Variants in PLCH1 observed in about 807,000 individuals in gnomAD.
The protein encoded by PLCH1 is phospholipase C eta 1.
A neutral mutation model predicts 126.7 loss-of-function variants in PLCH1; 60 were observed. The ratio of observed to expected loss-of-function variants is 0.47; its 90% CI spans 0.38 to 0.59. PLCH1 has a LOEUF of 0.59. Ranked by LOEUF, PLCH1 falls within the 20% of genes least tolerant of loss-of-function variation. PLCH1 has a pLI of 0.00. For missense variants in PLCH1, 1,723 were observed against 2,040.0 expected (o/e 0.84, Z 2.99); for synonymous variants, 719 against 734.9 (o/e 0.98, Z 0.35).
chr3:155,733,736 A>C (rs1748939238), intron 1 of PLCH1, among the ~76,000 whole-genome samples: 1 of 151,932 alleles, frequency 6.6e-6, no homozygotes, highest in Non-Finnish European at 1.5e-5. Flanking sequence ...AAACTAAAAA[A>C]GAGAATGAAT....
At chr3:155,744,458 C>T (rs1232928050) in intron 1 of PLCH1, among the ~76,000 whole-genome samples, 2 of 152,208 alleles carry the variant, frequency 1.3e-5, no homozygotes, top group Non-Finnish European at 2.9e-5. Flanking sequence ...CTGGCGGCGT[C>T]TGGCGGTCAG....
At position 155,586,337 on chromosome 3, in the gene PLCH1, G is replaced by A. The variant is rs1731369562; in HGVS notation, c.471-143C>T. ...GGAGCCCCTGCAATCCATAGGCTCT[G>A]ATGAGCTACTAATAATGATGACAAT... On this transcript the variant is annotated intron_variant, in intron 4 of 22. Coordinates refer to ENST00000460012, the MANE Select transcript of PLCH1 (RefSeq NM_014996.4). The A allele has an allele frequency of 5.7e-6, 4 of 705,058 alleles. No individual in the cohort carries two copies. In the South Asian group the frequency reaches 7.6e-5, roughly 13 times the overall value. 43.7% of individuals were successfully genotyped at this position (705,058 alleles called of 1,614,324 possible).
intron 2 of PLCH1, among the ~76,000 whole-genome samples, chr3:155,673,496 A>C (rs1241850873): frequency 6.6e-6 from 1 of 152,148 alleles, no homozygotes; most frequent in Non-Finnish European, 1.5e-5. Context: ...AGCCTGTACA[A>C]AGGATTCAAA....
At chr3:155,495,528 A>G (rs928226617) in intron 15 of PLCH1, among the ~76,000 whole-genome samples, 1 of 152,160 alleles carries the variant, frequency 6.6e-6, no homozygotes, top group African/African-American at 2.4e-5. Flanking sequence ...TTCAGCCCTA[A>G]TAAGCTGAGT....
Position 155,537,186 on chromosome 3 carries a change from C to CA in PLCH1, c.1362+12600dup, listed in dbSNP as rs755520092. Reference sequence around the variant, plus strand: ...ATTCGCCACTACCAAGCTAGCACTACAAAAAAAAAAAAAACCAAAAAAAAA... The same window carrying CA: ...ATTCGCCACTACCAAGCTAGCACTACAAAAAAAAAAAAAAACCAAAAAAAAA... On this transcript the variant is annotated intron_variant, in intron 10 of 22. Coordinates refer to ENST00000460012, the MANE Select transcript of PLCH1 (RefSeq NM_014996.4). 3.6e-3 allele frequency among the ~76,000 whole-genome samples: 135 copies of CA among 37,134 alleles called. 2 individuals carry two copies. The highest frequency in any genetic ancestry group is 0.016 in the East Asian group (11 of 678). The allele number at this position is 37,134 out of a possible 152,430, so 24.4% of individuals were successfully genotyped here.
chr3:155,596,573 T>C (rs865826327), intron 2 of PLCH1, among the ~76,000 whole-genome samples, 195 bp from the exon 3 acceptor site: 15 of 97,626 alleles, frequency 1.5e-4, no homozygotes, highest in Middle Eastern at 5.6e-3. Flanking sequence ...AAAGCCTTAC[T>C]AACAGAAAAA....
chr3:155,646,042 A>G (rs1009709826), intron 2 of PLCH1, among the ~76,000 whole-genome samples: 1 of 151,898 alleles, frequency 6.6e-6, no homozygotes, highest in Non-Finnish European at 1.5e-5. Context: ...GGTTTGAGAG[A>G]CTGATAAAGG....
intron 17 of PLCH1, among the ~76,000 whole-genome samples, chr3:155,493,644 A>T (rs1456995482): frequency 2.6e-5 from 4 of 152,118 alleles, no homozygotes; most frequent in Non-Finnish European, 5.9e-5. Context: ...CCTTGACCTC[A>T]CAAAGTGCTG....
intron 14 of PLCH1, among the ~76,000 whole-genome samples, chr3:155,498,193 C>A (rs1717356760): frequency 6.6e-6 from 1 of 152,156 alleles, no homozygotes; most frequent in African/African-American, 2.4e-5. Context: ...TGCTTATGTT[C>A]AAGTAACTCT....
At chr3:155,467,394 T>C (rs1409577116) in intron 21 of PLCH1, among the ~76,000 whole-genome samples, 1 of 151,912 alleles carries the variant, frequency 6.6e-6, no homozygotes, top group African/African-American at 2.4e-5. Context: ...GCCAACATGG[T>C]GAAACCCCAT....
chr3:155,470,265 A>G (rs1231135721), intron 21 of PLCH1, among the ~76,000 whole-genome samples: 1 of 152,214 alleles, frequency 6.6e-6, no homozygotes, highest in Non-Finnish European at 1.5e-5. Flanking sequence ...AGGCTCGAGA[A>G]CTACGTGAAG....
chr3:155,703,345 C>G (rs1010897135), intron 2 of PLCH1, among the ~76,000 whole-genome samples: 3 of 152,154 alleles, frequency 2.0e-5, no homozygotes, highest in Non-Finnish European at 2.9e-5. Context: ...TCTCTCTGTT[C>G]CCTCTACAAT....
intron 21 of PLCH1, among the ~76,000 whole-genome samples, chr3:155,473,271 C>A (rs1273820136): frequency 6.6e-6 from 1 of 151,596 alleles, no homozygotes; most frequent in Non-Finnish European, 1.5e-5. Flanking sequence ...CACAAGCATT[C>A]TTATACACCA....
downstream of PLCH1, among the ~76,000 whole-genome samples, chr3:155,477,366 A>C (rs541240084): frequency 3.3e-5 from 5 of 152,248 alleles, no homozygotes; most frequent in East Asian, 9.7e-4. Context: ...ACCCACAAGC[A>C]CGGGCAACCA....
intron 21 of PLCH1, among the ~76,000 whole-genome samples, chr3:155,472,897 C>A (rs1199096793): frequency 6.6e-6 from 1 of 151,276 alleles, no homozygotes; most frequent in African/African-American, 2.4e-5. Flanking sequence ...ACTAAAAACT[C>A]TCAATAAATT....
In PLCH1 at chr3:155,482,005, T is replaced by A. The variant is rs1576782733; in HGVS notation, c.4021A>T (p.Thr1341Ser). ...CTCTCCCCAGAATTGAAACAGAGAG[T>A]GGGATCAGCTATTACATCCTCCAGG... Reference protein sequence around the residue: ...LTLEDVIADPTLCFNSGESSL... With the variant: ...LTLEDVIADPSLCFNSGESSL... The change falls in exon 23 of 23, where the codon ACT becomes TCT. Residue 1341 changes from threonine (T) to serine (S), a missense_variant. Transcript: ENST00000460012. The A allele has an allele frequency of 1.2e-6, 2 of 1,614,002 alleles. No homozygotes were observed. Among genetic ancestry groups the A allele is most frequent in the East Asian group, 4.5e-5 (2 of 44,876 alleles).
rs559010256 is a variant in PLCH1, at chr3:155,511,666, G to A, written c.1632+3057C>T. On this transcript the variant is annotated intron_variant, in intron 12 of 22. Transcript: ENST00000460012. ...GGTGCCTCCCAGTTAGGCTGCTCGG[G>A]GGTCAGGGGTCAGGGACCCACTTGA... Among the ~76,000 whole-genome samples, 30 of 140,736 alleles carry A rather than the reference G, an allele frequency of 2.1e-4. 2 individuals carry two copies. Among genetic ancestry groups the A allele is most frequent in the Non-Finnish European group, 4.6e-5 (3 of 65,726 alleles). 92.3% of individuals were successfully genotyped at this position (140,736 alleles called of 152,430 possible). A position where few individuals can be genotyped will look rare whatever the true frequency, so the allele number is the denominator to read the frequency against.
intron 2 of PLCH1, among the ~76,000 whole-genome samples, chr3:155,700,379 G>T (rs1181538921): frequency 6.6e-6 from 1 of 152,130 alleles, no homozygotes; most frequent in Non-Finnish European, 1.5e-5. Flanking sequence ...TCTTGAAAAG[G>T]CATACTGCAT....
chr3:155,520,575 A>G (rs1215144749), intron 11 of PLCH1, among the ~76,000 whole-genome samples: 1 of 152,224 alleles, frequency 6.6e-6, no homozygotes, highest in African/African-American at 2.4e-5. Context: ...AGAAGCAGAA[A>G]AAAATTAATG....
Sources: gnomAD v4.1 joint callset for allele counts (sites outside exome capture counted in the v4.1 genomes callset) on GRCh38, gnomAD v4.1.1 for gene constraint, MANE v1.5 for transcripts, NCBI Gene and HGNC (gene_info 2026-07-23, HGNC 2026-07-21) for gene names.